The following CTNND2 variants were observed in gnomAD, a reference collection of about 807,000 sequenced individuals.
CTNND2 encodes the protein catenin delta-2.
In CTNND2, 22 loss-of-function variants were observed where a neutral mutation model predicts 144.4. The ratio of observed to expected loss-of-function variants is 0.15; its 90% CI spans 0.11 to 0.22. The LOEUF is 0.22. CTNND2 is among the 10% of genes least tolerant of loss of function. The probability of loss-of-function intolerance (pLI) is 1.00; values close to 1 mark genes in which losing one functional copy is unlikely to be tolerated. For synonymous variants in CTNND2, 751 were observed against 695.6 expected, an observed-to-expected ratio of 1.08 and a Z score of -1.25; for missense variants, 1,353 against 1,618.8, an observed-to-expected ratio of 0.84 and a Z score of 2.82.
chr5:11,129,734 T>C (rs1330919464), intron 12 of CTNND2, among the ~76,000 whole-genome samples: 1 of 152,068 alleles, frequency 6.6e-6, no homozygotes, highest in Non-Finnish European at 1.5e-5. Context: ...CACTGGATTA[T>C]AAGAGAGAGA....
intron 9 of CTNND2, among the ~76,000 whole-genome samples, chr5:11,253,531 A>T (rs1161029677): frequency 6.6e-6 from 1 of 152,170 alleles, no homozygotes; most frequent in African/African-American, 2.4e-5. Flanking sequence ...GCTGCCATGT[A>T]AGACATGCCT....
chr5:11,715,787 G>A (rs1786317528), intron 2 of CTNND2, among the ~76,000 whole-genome samples: 1 of 152,168 alleles, frequency 6.6e-6, no homozygotes, highest in Admixed American at 6.5e-5. Context: ...GCGACAGAAG[G>A]TCAATGTGAG....
chr5:11,065,553 T>C (rs945763225), intron 16 of CTNND2, among the ~76,000 whole-genome samples: 1 of 152,228 alleles, frequency 6.6e-6, no homozygotes, highest in African/African-American at 2.4e-5. Context: ...ACAAACATCC[T>C]TGCCAATATT....
chr5:11,465,302 C>T (rs1009529825), intron 3 of CTNND2, among the ~76,000 whole-genome samples: 39 of 139,430 alleles, frequency 2.8e-4, no homozygotes, highest in African/African-American at 9.4e-4. Context: ...CAAAACTGAA[C>T]TTTTTTTTTT....
intron 10 of CTNND2, among the ~76,000 whole-genome samples, chr5:11,222,316 T>C (rs372678836): frequency 5.9e-5 from 9 of 152,340 alleles, no homozygotes; most frequent in African/African-American, 1.9e-4. Context: ...TGCTGCATCA[T>C]TGTTCGCAAG....
At chr5:11,548,042 G>A (rs1408851030) in intron 3 of CTNND2, among the ~76,000 whole-genome samples, 1 of 152,052 alleles carries the variant, frequency 6.6e-6, no homozygotes. Context: ...GACGGAGTAG[G>A]AGTCATCAGT....
At chr5:11,366,471 C>T (rs1265898426) in intron 7 of CTNND2, among the ~76,000 whole-genome samples, 1 of 152,058 alleles carries the variant, frequency 6.6e-6, no homozygotes, top group Non-Finnish European at 1.5e-5. Context: ...ATTTAGATAG[C>T]GCTCCGATGA....
intron 1 of CTNND2, among the ~76,000 whole-genome samples, chr5:11,852,122 A>C (rs4280864): frequency 6.6e-6 from 1 of 151,814 alleles, no homozygotes; most frequent in Non-Finnish European, 1.5e-5. Flanking sequence ...TTCAGACTCT[A>C]CAGCTTCCAT....
chr5:11,584,188 T>A (rs1246785804), intron 2 of CTNND2, among the ~76,000 whole-genome samples: 1 of 152,194 alleles, frequency 6.6e-6, no homozygotes, highest in Admixed American at 6.5e-5. Context: ...ATAAAATTCA[T>A]GAAGAAGGAA....
Position 11,210,168 on chromosome 5 carries a change from G to A in CTNND2, c.1762-10507C>T, listed in dbSNP as rs372614465. 9.2e-5 allele frequency among the ~76,000 whole-genome samples: 14 copies of A among 152,252 alleles called. No homozygotes were observed. The South Asian group carries it at 2.1e-3, about 23-fold the overall frequency. ...CATCAGTACTTTGGGAGGCCAAGAT[G>A]TGCAGATCACTTGAGGTCAGGAGTT... On this transcript the variant is annotated intron_variant, in intron 10 of 21. Coordinates refer to ENST00000304623, the MANE Select transcript of CTNND2 (RefSeq NM_001332.4).
At chr5:11,757,409 G>A (rs187223182) in intron 1 of CTNND2, among the ~76,000 whole-genome samples, 238 of 151,742 alleles carry the variant, frequency 1.6e-3, no homozygotes, top group African/African-American at 5.5e-3. Context: ...ATAAATATAT[G>A]TTGAAATCAG....
chr5:11,129,162 T>A (rs866281138), intron 12 of CTNND2, among the ~76,000 whole-genome samples: 2 of 19,188 alleles, frequency 1.0e-4, no homozygotes, highest in Non-Finnish European at 1.9e-4. Flanking sequence ...TATACATATA[T>A]TATATATTAT....
chr5:11,686,756 T>C (rs1784670254), intron 2 of CTNND2, among the ~76,000 whole-genome samples: 1 of 148,764 alleles, frequency 6.7e-6, no homozygotes, highest in Non-Finnish European at 1.5e-5. Context: ...ATTATTCTTA[T>C]ATAGAAATAT....
At chr5:11,545,137 G>GAAAAAAAAAAAAAAAAAAAGAA (rs1282540729) in intron 3 of CTNND2, among the ~76,000 whole-genome samples, 1 of 108,492 alleles carries the variant, frequency 9.2e-6, no homozygotes, top group Non-Finnish European at 2.0e-5. Flanking sequence ...AAAAAAAAAG[G>GAAAAAAAAAAAAAAAAAAAGAA]AAAAAAAAAA....
At chr5:11,013,269 A>G (rs1741275970) in intron 18 of CTNND2, among the ~76,000 whole-genome samples, 1 of 152,182 alleles carries the variant, frequency 6.6e-6, no homozygotes, top group Admixed American at 6.5e-5. Flanking sequence ...TAAGCATAAA[A>G]ATACACAAGT....
chr5:11,780,583 T>A (rs1790493347), intron 1 of CTNND2, among the ~76,000 whole-genome samples: 2 of 152,124 alleles, frequency 1.3e-5, no homozygotes, highest in Non-Finnish European at 2.9e-5. Context: ...CCAGCAGGCC[T>A]CTGAACTAGA....
chr5:11,077,577 A>C (rs1378537616), intron 16 of CTNND2, among the ~76,000 whole-genome samples: 3 of 152,182 alleles, frequency 2.0e-5, no homozygotes, highest in Admixed American at 2.0e-4. Flanking sequence ...GAGCTTCCAC[A>C]TCTGCCCTGC....
chr5:11,018,371 A>G (rs777700411), intron 17 of CTNND2, among the ~76,000 whole-genome samples: 33 of 152,142 alleles, frequency 2.2e-4, no homozygotes, highest in Non-Finnish European at 4.4e-4. Context: ...TAATAACCCT[A>G]CAATGGCTCC....
At chr5:11,570,967 C>A (rs772192187) in intron 2 of CTNND2, among the ~76,000 whole-genome samples, 2 of 151,982 alleles carry the variant, frequency 1.3e-5, no homozygotes, top group Non-Finnish European at 2.9e-5. Flanking sequence ...GTTTTACTTT[C>A]TGAAAAGTTT....
Sources: allele counts gnomAD v4.1 joint callset (sites outside exome capture counted in the v4.1 genomes callset), GRCh38; gene constraint gnomAD v4.1.1; transcripts MANE v1.5; gene names NCBI Gene and HGNC (gene_info 2026-07-23, HGNC 2026-07-21).